The following TMEM163 variants were observed in gnomAD, a reference collection of about 807,000 sequenced individuals.
TMEM163 encodes transmembrane protein 163.
TMEM163 carries 17 observed loss-of-function variants against 29.3 expected under a neutral mutation model. The ratio of observed to expected loss-of-function variants is 0.58; its 90% confidence interval spans 0.40 to 0.87. The LOEUF is 0.87. Ranked by LOEUF, TMEM163 falls within the 40% of genes least tolerant of loss-of-function variation. The pLI is 0.00. For missense variants in TMEM163, 303 were observed against 381.5 expected (o/e 0.79, Z 1.71); for synonymous variants, 157 against 160.6 (o/e 0.98, Z 0.17).
At chr2:134,574,538 C>A (rs1681503604) in intron 2 of TMEM163, among the ~76,000 whole-genome samples, 1 of 152,094 alleles carries the variant, frequency 6.6e-6, no homozygotes. Flanking sequence ...CCAGCCTGGG[C>A]AACAAGAGAG....
rs1553476350 is a variant in TMEM163, at chr2:134,516,780, C to CATATATATATATGCATATATATGAAT, written c.459-13784_459-13783insATTCATATATATGCATATATATATAT. On this transcript the variant is annotated intron_variant, in intron 4 of 7. Transcript: ENST00000281924. ...ATAGATATATATGTGCATATCTATT[C>CATATATATATATGCATATATATGAAT]ATATATATATGCATGTATGTATGAA... Among the ~76,000 whole-genome samples, 353 of 139,452 alleles carry CATATATATATATGCATATATATGAAT rather than the reference C, an allele frequency of 2.5e-3. 2 individuals carry two copies. Among genetic ancestry groups the CATATATATATATGCATATATATGAAT allele is most frequent in the African/African-American group, 9.2e-3 (339 of 36,876 alleles). 91.5% of individuals were successfully genotyped at this position (139,452 alleles called of 152,430 possible).
intron 3 of TMEM163, among the ~76,000 whole-genome samples, chr2:134,551,140 C>T (rs564987285): frequency 6.6e-6 from 1 of 152,098 alleles, no homozygotes; most frequent in Non-Finnish European, 1.5e-5. Flanking sequence ...AAATTCAATG[C>T]TTTTGTTTGA....
intron 4 of TMEM163, among the ~76,000 whole-genome samples, chr2:134,543,975 G>A (rs1680728913): frequency 6.6e-6 from 1 of 152,196 alleles, no homozygotes; most frequent in South Asian, 2.1e-4. Flanking sequence ...TGTAGAATTA[G>A]AAGGCTGTCC....
intron 2 of TMEM163, among the ~76,000 whole-genome samples, chr2:134,615,723 C>T (rs1278817125): frequency 7.5e-6 from 1 of 133,312 alleles, no homozygotes; most frequent in Non-Finnish European, 1.5e-5. Context: ...GTGGCGCAAT[C>T]TCGGCTCACT....
At chr2:134,713,376 C>A (rs1020988490) in intron 1 of TMEM163, 57 bp from the exon 2 acceptor site, 1 of 1,605,370 alleles carries the variant, frequency 6.2e-7, no homozygotes, top group Non-Finnish European at 8.5e-7. Flanking sequence ...AAACCCACAG[C>A]GAGAGCTACA....
Position 134,718,809 on chromosome 2 carries a change from G to A in TMEM163, c.127C>T (p.Pro43Ser), listed in dbSNP as rs988380434. The A allele has an allele frequency of 1.6e-4, 186 of 1,140,736 alleles. 1 individual carries two copies. The highest frequency in any genetic ancestry group is 1.9e-4 in the Non-Finnish European group (177 of 929,968). 70.7% of individuals were successfully genotyped at this position (1,140,736 alleles called of 1,614,324 possible). Reference protein sequence around the residue: ...PAPLSSPVREPPQLEEERQVR... With the variant: ...PAPLSSPVRESPQLEEERQVR... The stretch of plus-strand genomic sequence containing the variant: ...TGCCGCTCCTCCTCCAGCTGGGGCG[G>A]CTCGCGCACCGGGGAGCTCAGCGGG... The change falls in exon 1 of 8, where the codon CCG (proline) becomes TCG (serine). Residue 43 changes from proline to serine, a missense_variant. Coordinates refer to ENST00000281924, the MANE Select transcript of TMEM163 (RefSeq NM_030923.5).
intron 5 of TMEM163, among the ~76,000 whole-genome samples, chr2:134,502,389 C>T (rs1458603960): frequency 6.6e-6 from 1 of 152,214 alleles, no homozygotes; most frequent in Non-Finnish European, 1.5e-5. Context: ...TAATGACTCT[C>T]ACCCAGAGGA....
chr2:134,543,908 T>C (rs1423898871), intron 4 of TMEM163, among the ~76,000 whole-genome samples: 1 of 152,070 alleles, frequency 6.6e-6, no homozygotes, highest in African/African-American at 2.4e-5. Context: ...CAGAACACCA[T>C]TGGGAGGTAC....
intron 6 of TMEM163, among the ~76,000 whole-genome samples, chr2:134,462,040 G>A (rs1428437278): frequency 6.6e-6 from 1 of 152,180 alleles, no homozygotes; most frequent in Non-Finnish European, 1.5e-5. Context: ...TTAGCAGGAG[G>A]CTGTAATTAC....
chr2:134,597,017 A>C (rs1333514716), intron 2 of TMEM163, among the ~76,000 whole-genome samples: 1 of 152,208 alleles, frequency 6.6e-6, no homozygotes, highest in Non-Finnish European at 1.5e-5. Context: ...TTTTGGGCTG[A>C]GACGACGGGG....
chr2:134,557,056 G>A (rs754631675), intron 2 of TMEM163, among the ~76,000 whole-genome samples: 1 of 152,152 alleles, frequency 6.6e-6, no homozygotes, highest in Non-Finnish European at 1.5e-5. Flanking sequence ...AGGAGATGGG[G>A]GAGTAAACCA....
rs7589716 is a variant in TMEM163, at chr2:134,594,206, G to A, written c.323-42115C>T. Among the ~76,000 whole-genome samples the A allele has an allele frequency of 5.0e-3, 754 of 151,584 alleles. 9 individuals are homozygous for A. Among genetic ancestry groups the A allele is most frequent in the African/African-American group, 0.018 (722 of 41,222 alleles). ...TTCTGGTTTATAAAACAGAAAGGAG[G>A]ATGGGCCTGGAAAGAGTGAAGGAGA... On this transcript the variant is annotated intron_variant, in intron 2 of 7. Transcript: ENST00000281924.
chr2:134,585,452 T>TA (rs1188604028), intron 2 of TMEM163, among the ~76,000 whole-genome samples: 1 of 152,156 alleles, frequency 6.6e-6, no homozygotes, highest in Admixed American at 6.6e-5. Flanking sequence ...ACATTAAAAA[T>TA]ACCTGGAATG....
At chr2:134,700,167 G>A (rs1684666611) in intron 2 of TMEM163, among the ~76,000 whole-genome samples, 1 of 152,096 alleles carries the variant, frequency 6.6e-6, no homozygotes, top group African/African-American at 2.4e-5. Flanking sequence ...TTTGTATTAT[G>A]TATTTCACTT....
chr2:134,478,746 G>T (rs1175379144), intron 5 of TMEM163, among the ~76,000 whole-genome samples: 6 of 152,200 alleles, frequency 3.9e-5, no homozygotes, highest in African/African-American at 1.4e-4. Flanking sequence ...GCAACTACTT[G>T]CTAGAGAGAT....
chr2:134,611,683 C>T (rs1682506512), intron 2 of TMEM163, among the ~76,000 whole-genome samples: 1 of 152,190 alleles, frequency 6.6e-6, no homozygotes, highest in East Asian at 1.9e-4. Flanking sequence ...ATGCTAGACT[C>T]AACCCATTTA....
intron 2 of TMEM163, among the ~76,000 whole-genome samples, chr2:134,684,830 C>T (rs1259994758): frequency 6.7e-6 from 1 of 149,130 alleles, no homozygotes; most frequent in Non-Finnish European, 1.5e-5. Context: ...GGCTGAGGCA[C>T]GAGAATTGCT....
At chr2:134,688,794 C>A (rs1684398418) in intron 2 of TMEM163, among the ~76,000 whole-genome samples, 1 of 152,086 alleles carries the variant, frequency 6.6e-6, no homozygotes, top group Non-Finnish European at 1.5e-5. Context: ...ACACACCGCC[C>A]CACTCCCTCC....
chr2:134,516,590 TATATTCATATATATGTTCATAA>T (rs1389420571), intron 4 of TMEM163, among the ~76,000 whole-genome samples: 2 of 148,648 alleles, frequency 1.3e-5, no homozygotes, highest in Non-Finnish European at 3.0e-5. Context: ...TATATTCATA[TATATTCATATATATGTTCATAA>T]ATATTCATAT....
Sources: gnomAD v4.1 joint callset for allele counts (sites outside exome capture counted in the v4.1 genomes callset) on GRCh38, gnomAD v4.1.1 for gene constraint, MANE v1.5 for transcripts, NCBI Gene and HGNC (gene_info 2026-07-23, HGNC 2026-07-21) for gene names.